Variants in ZFYVE9 observed in about 807,000 individuals in gnomAD.
ZFYVE9 encodes the protein zinc finger FYVE-type containing 9.
Under a neutral mutation model 126.7 loss-of-function variants are expected in ZFYVE9, and 43 were observed. That is an observed-to-expected ratio of 0.34 (90% confidence interval 0.27 to 0.44). The LOEUF (loss-of-function observed/expected upper bound fraction) is 0.44. Among genes scored for constraint, ZFYVE9 ranks in the 20% least tolerant of loss-of-function variants. ZFYVE9 has a pLI of 1.00. For missense variants in ZFYVE9, 1,476 were observed against 1,697.0 expected (o/e 0.87, Z 2.29); for synonymous variants, 521 against 597.4 (o/e 0.87, Z 1.87).
At position 52,346,315 on chromosome 1, in the gene ZFYVE9, G is replaced by C; in HGVS notation, c.*94G>C. 1 of 495,944 alleles carries C rather than the reference G, an allele frequency of 2.0e-6. No individual in the cohort carries two copies. The highest frequency in any genetic ancestry group is 3.2e-6 in the Non-Finnish European group (1 of 307,870). 30.7% of individuals were successfully genotyped at this position (495,944 alleles called of 1,614,324 possible). ...TTTAAAACTGGAAGATTAAGCTTTT[G>C]TTAACACTATTAATGGGGTGGGGAA... On this transcript the variant is annotated 3_prime_UTR_variant, in exon 19 of 19. Transcript: ENST00000287727.
chr1:52,170,884 A>G (rs945807656), intron 1 of ZFYVE9, among the ~76,000 whole-genome samples: 2 of 152,006 alleles, frequency 1.3e-5, no homozygotes, highest in Non-Finnish European at 1.5e-5. Flanking sequence ...TATGGTCTCT[A>G]CTTGAGAATG....
intron 10 of ZFYVE9, among the ~76,000 whole-genome samples, chr1:52,284,678 G>A (rs527354901): frequency 5.9e-5 from 9 of 152,100 alleles, no homozygotes; most frequent in Non-Finnish European, 1.0e-4. Flanking sequence ...CTCGGCCTCC[G>A]AAAGTGCTGG....
chr1:52,214,079 A>G lies in ZFYVE9; in HGVS notation c.-142-2290A>G, dbSNP rs550472341. ...GGATACTTTGAATTGAAGGATACCA[A>G]GCATATCAGGAGGGGATGAGGTGCA... is the stretch of plus-strand genomic sequence containing the variant. On this transcript the variant is annotated intron_variant, in intron 1 of 18. Transcript: ENST00000287727. Among the ~76,000 whole-genome samples, 11 of 152,312 alleles carry G rather than the reference A, an allele frequency of 7.2e-5. No individual in the cohort carries two copies. The East Asian group carries it at 2.1e-3, about 29-fold the overall frequency.
intron 1 of ZFYVE9, chr1:52,179,915 A>G (rs896273028): frequency 5.6e-5 from 58 of 1,027,052 alleles, no homozygotes; most frequent in Non-Finnish European, 4.6e-6. Flanking sequence ...AAAGTCTGAA[A>G]GAATTGGAAG....
Position 52,238,333 on chromosome 1 carries a change from A to T in ZFYVE9, c.916A>T (p.Ser306Cys). ...CAGCTCTCCTAGGACAGATCTAGGG[A>T]GTCCAAATTCCTTTTCCCACATGAG... The part of the protein sequence containing the change: ...KISSPRTDLG[S>C]PNSFSHMSEG... Residue 306 changes from serine (S) to cysteine (C), a missense_variant, in exon 4 of 19, where the codon AGT becomes TGT. Ser to Cys is a moderately radical substitution (Grantham distance 112). Coordinates refer to ENST00000287727, the MANE Select transcript of ZFYVE9 (RefSeq NM_004799.4). 5 of 1,613,790 alleles carry T rather than the reference A, an allele frequency of 3.1e-6. No homozygotes were observed. The highest frequency in any genetic ancestry group is 4.2e-6 in the Non-Finnish European group (5 of 1,179,976).
chr1:52,275,414 A>G (rs1382381627), intron 8 of ZFYVE9, among the ~76,000 whole-genome samples: 2 of 152,160 alleles, frequency 1.3e-5, no homozygotes, highest in East Asian at 3.8e-4. Flanking sequence ...CAGTAATGGG[A>G]TTGCTGGGCT....
At chr1:52,332,299 GTTAGTAAAA>G (rs1557524186) in intron 13 of ZFYVE9, among the ~76,000 whole-genome samples, 4 of 152,064 alleles carry the variant, frequency 2.6e-5, no homozygotes, top group African/African-American at 9.7e-5. Flanking sequence ...TCAAACATAA[GTTAGTAAAA>G]TTAAGAAACA....
intron 2 of ZFYVE9, among the ~76,000 whole-genome samples, chr1:52,231,433 G>A (rs1194987560): frequency 1.3e-5 from 2 of 151,806 alleles, no homozygotes; most frequent in Admixed American, 6.6e-5. Flanking sequence ...CAGGAGAATC[G>A]CTTGAATCCA....
chr1:52,147,151 T>G (rs190896063), intron 1 of ZFYVE9, among the ~76,000 whole-genome samples: 68 of 152,356 alleles, frequency 4.5e-4, no homozygotes, highest in African/African-American at 1.3e-3. Context: ...AATTCTAATC[T>G]GTCCCAAATG....
intron 10 of ZFYVE9, among the ~76,000 whole-genome samples, chr1:52,288,699 C>G (rs1409580007): frequency 3.3e-5 from 5 of 152,116 alleles, no homozygotes; most frequent in Middle Eastern, 3.4e-3. Flanking sequence ...GGCAGGCAGG[C>G]AGATCACTTG....
intron 2 of ZFYVE9, among the ~76,000 whole-genome samples, chr1:52,230,547 A>C (rs1467153165): frequency 6.6e-6 from 1 of 150,714 alleles, no homozygotes; most frequent in African/African-American, 2.4e-5. Context: ...AAAAAGAATC[A>C]GTTGGAAAAG....
intron 1 of ZFYVE9, among the ~76,000 whole-genome samples, chr1:52,179,633 C>CA (rs914218000): frequency 3.5e-3 from 448 of 129,526 alleles, no homozygotes; most frequent in Middle Eastern, 0.016. Flanking sequence ...GATTGTGTCT[C>CA]AAAAAAAAAA....
At chr1:52,338,349 A>G (rs1646407135) in intron 16 of ZFYVE9, among the ~76,000 whole-genome samples, 1 of 152,214 alleles carries the variant, frequency 6.6e-6, no homozygotes, top group African/African-American at 2.4e-5. Context: ...AGGAAGTGAT[A>G]AGACTAGCTC....
chr1:52,216,480 A>G lies in ZFYVE9; in HGVS notation c.-37+6A>G. The G allele has an allele frequency of 2.5e-6, 1 of 398,528 alleles. No individual in the cohort carries two copies. Among genetic ancestry groups the G allele is most frequent in the Admixed American group, 4.4e-5 (1 of 22,734 alleles). 24.7% of individuals were successfully genotyped at this position (398,528 alleles called of 1,614,324 possible). A position where few individuals can be genotyped will look rare whatever the true frequency, so the allele number is the denominator to read the frequency against. On this transcript the variant is annotated splice_donor_region_variant and intron_variant, in intron 2 of 18. Coordinates refer to ENST00000287727, the MANE Select transcript of ZFYVE9 (RefSeq NM_004799.4). Reference sequence around the variant, plus strand: ...ACGTGTGTAAGGGGAAAAAGGTAAGAAAATGTTTTTATTTCTCTTAGAGAT... The same window carrying G: ...ACGTGTGTAAGGGGAAAAAGGTAAGGAAATGTTTTTATTTCTCTTAGAGAT...
intron 5 of ZFYVE9, among the ~76,000 whole-genome samples, chr1:52,265,207 A>T (rs1645621917): frequency 6.6e-6 from 1 of 152,116 alleles, no homozygotes; most frequent in Admixed American, 6.5e-5. Flanking sequence ...TTCCTCTCGC[A>T]TGGCTTAGCC....
intron 9 of ZFYVE9, among the ~76,000 whole-genome samples, chr1:52,279,871 G>A (rs1645784906): frequency 6.6e-6 from 1 of 152,112 alleles, no homozygotes; most frequent in Non-Finnish European, 1.5e-5. Context: ...AGTTCTCCAT[G>A]TGTACTTAAG....
intron 1 of ZFYVE9, among the ~76,000 whole-genome samples, chr1:52,169,663 A>G (rs1316028873): frequency 6.6e-6 from 1 of 152,202 alleles, no homozygotes; most frequent in African/African-American, 2.4e-5. Flanking sequence ...AAATGTTATA[A>G]TAATAGAGGG....
At chr1:52,244,373 G>T (rs992408452) in intron 4 of ZFYVE9, among the ~76,000 whole-genome samples, 1 of 152,184 alleles carries the variant, frequency 6.6e-6, no homozygotes, top group Non-Finnish European at 1.5e-5. Flanking sequence ...AAAAATCCTT[G>T]AGAAGGCCAA....
chr1:52,237,415 A>G, intron 3 of ZFYVE9, 73 bp from the exon 4 acceptor site: 1 of 1,297,934 alleles, frequency 7.7e-7, no homozygotes, highest in Non-Finnish European at 1.1e-6. Flanking sequence ...GATAGTTAGA[A>G]ATGTTATTAA....
Sources: allele counts gnomAD v4.1 joint callset (sites outside exome capture counted in the v4.1 genomes callset), GRCh38; gene constraint gnomAD v4.1.1; transcripts MANE v1.5; gene names NCBI Gene and HGNC (gene_info 2026-07-23, HGNC 2026-07-21).